Variants in DSTN observed in about 807,000 individuals in gnomAD.
DSTN encodes the protein destrin, actin depolymerizing factor, also known as destrin.
Under a neutral mutation model 16.8 loss-of-function variants are expected in DSTN, and 10 were observed. The observed-to-expected ratio is 0.60, with a 90% confidence interval of 0.37 to 1.01. The LOEUF (loss-of-function observed/expected upper bound fraction) is 1.01. DSTN is among the 50% of genes least tolerant of loss of function. The pLI, the probability that DSTN is intolerant of heterozygous loss-of-function variation, is 0.01. For synonymous variants in DSTN, 57 were observed against 58.9 expected (o/e 0.97, Z 0.14); for missense variants, 141 against 196.7 (o/e 0.72, Z 1.69).
At chr20:17,572,628 C>T (rs868182140) in intron 1 of DSTN, among the ~76,000 whole-genome samples, 1 of 152,186 alleles carries the variant, frequency 6.6e-6, no homozygotes, top group South Asian at 2.1e-4. Context: ...GCGCAGTATT[C>T]AAGTATTCTA....
chr20:17,588,652 C>CG (rs2035436952), intron 1 of DSTN, among the ~76,000 whole-genome samples: 1 of 152,030 alleles, frequency 6.6e-6, no homozygotes, highest in African/African-American at 2.4e-5. Context: ...GGTATGGTGG[C>CG]GGGCGCCTGT....
chr20:17,594,006 A>C (rs573957109), intron 1 of DSTN, among the ~76,000 whole-genome samples: 86 of 152,246 alleles, frequency 5.6e-4, no homozygotes, highest in Non-Finnish European at 9.8e-4. Context: ...ACTTGAGCCC[A>C]GGAGTGCGAG....
rs1372361733 is a variant in DSTN at position 17,609,870 on chromosome 20, ACT to A, written c.*2729_*2730del. 1 of 152,186 alleles carries A rather than the reference ACT, an allele frequency of 6.6e-6. No homozygotes were observed. The highest frequency in any genetic ancestry group is 1.5e-5 in the Non-Finnish European group (1 of 68,046). 9.4% of individuals were successfully genotyped at this position (152,186 alleles called of 1,614,324 possible). A position where few individuals can be genotyped will look rare whatever the true frequency, so the allele number is the denominator to read the frequency against. On this transcript the variant is annotated 3_prime_UTR_variant, in exon 4 of 4. Transcript: ENST00000246069. ...GCTGACTTAGTCTCATCTAGCGGTT[ACT>A]CTCTTGCCCTGACAAAGCAGCAAAT...
chr20:17,577,184 T>A (rs2035288257), intron 1 of DSTN, among the ~76,000 whole-genome samples: 1 of 152,224 alleles, frequency 6.6e-6, no homozygotes, highest in Non-Finnish European at 1.5e-5. Flanking sequence ...TATTCCAAAA[T>A]TTGAAAATAT....
intron 1 of DSTN, among the ~76,000 whole-genome samples, chr20:17,580,675 G>A (rs764585705): frequency 6.6e-6 from 1 of 152,002 alleles, no homozygotes; most frequent in African/African-American, 2.4e-5. Context: ...TTGAACCCGG[G>A]AGGCGGAGGT....
chr20:17,577,982 A>G (rs2035298615), intron 1 of DSTN, among the ~76,000 whole-genome samples: 1 of 152,262 alleles, frequency 6.6e-6, no homozygotes, highest in Admixed American at 6.5e-5. Context: ...CCTCAGTCAC[A>G]CTAGCCACAT....
intron 1 of DSTN, among the ~76,000 whole-genome samples, chr20:17,587,579 A>G (rs2035425122): frequency 6.6e-6 from 1 of 152,156 alleles, no homozygotes; most frequent in African/African-American, 2.4e-5. Flanking sequence ...GAAATAGTTA[A>G]CCATAGTTAA....
At chr20:17,597,066 A>G (rs555064230) in intron 1 of DSTN, among the ~76,000 whole-genome samples, 114 of 152,296 alleles carry the variant, frequency 7.5e-4, no homozygotes, top group Non-Finnish European at 1.2e-3. Context: ...ATCTGTTTCT[A>G]GTTCTTCAAT....
rs1039777464 is a variant in DSTN, at chr20:17,607,869, G to A, written c.*723G>A. On this transcript the variant is annotated 3_prime_UTR_variant, in exon 4 of 4. Transcript: ENST00000246069. ...ACAACTAATTATAATGCAAATTAGG[G>A]CTACATTGTAATCTGCTTTGTTAAT... 5.3e-5 allele frequency: 8 copies of A among 152,320 alleles called. No homozygotes were observed. The highest frequency in any genetic ancestry group is 1.9e-4 in the African/African-American group (8 of 41,564). 9.4% of individuals were successfully genotyped at this position (152,320 alleles called of 1,614,324 possible). A position where few individuals can be genotyped will look rare whatever the true frequency, so the allele number is the denominator to read the frequency against.
In DSTN at chr20:17,607,053, T is replaced by C. The variant is rs1199446204; in HGVS notation, c.405T>C (p.Cys135=). ...KKKFQGIKHE[C]QANGPEDLNR... ...TCTCTCTAGGCATAAAACATGAATG[T>C]CAAGCAAATGGACCAGAAGATCTCA... The change falls in exon 4 of 4, where the codon TGT becomes TGC. Residue 135 remains cysteine (C), a synonymous_variant. Coordinates refer to ENST00000246069, the MANE Select transcript of DSTN (RefSeq NM_006870.4). The C allele has an allele frequency of 1.7e-5, 28 of 1,613,858 alleles. No individual in the cohort carries two copies. The highest frequency in any genetic ancestry group is 2.3e-5 in the Non-Finnish European group (27 of 1,180,002).
Position 17,570,078 on chromosome 20 carries a change from C to T in DSTN, c.-131C>T, listed in dbSNP as rs774260347. ...CGTTCCGTCCTGAGGCGCGCCCGCC[C>T]CGGGGTAAGCTCGCGCCGCCGCGTC... is the stretch of plus-strand genomic sequence containing the variant. On this transcript the variant is annotated 5_prime_UTR_variant, in exon 1 of 4. Coordinates refer to ENST00000246069, the MANE Select transcript of DSTN (RefSeq NM_006870.4). 110 of 1,392,064 alleles carry T rather than the reference C, an allele frequency of 7.9e-5. No homozygotes were observed. Among genetic ancestry groups the T allele is most frequent in the Non-Finnish European group, 1.0e-4 (105 of 1,054,490 alleles). The allele number at this position is 1,392,064 out of a possible 1,614,324, so 86.2% of individuals were successfully genotyped here.
intron 1 of DSTN, among the ~76,000 whole-genome samples, chr20:17,573,010 A>G (rs930081559): frequency 6.6e-5 from 10 of 152,160 alleles, no homozygotes; most frequent in African/African-American, 2.2e-4. Context: ...TATTCAGGCT[A>G]TTGCAATTAG....
At chr20:17,604,667 T>C (rs766494053) in intron 3 of DSTN, 36 bp downstream of exon 3, 3 of 1,574,918 alleles carry the variant, frequency 1.9e-6, no homozygotes, top group South Asian at 2.3e-5. Flanking sequence ...TGTAGAGGTA[T>C]GGTGAACACT....
intron 2 of DSTN, 48 bp downstream of exon 2, chr20:17,601,093 C>T: frequency 1.3e-6 from 2 of 1,525,390 alleles, no homozygotes; most frequent in Non-Finnish European, 1.8e-6. Context: ...ATTTTGTTAG[C>T]ACTCGGGAAG....
At chr20:17,575,638 G>A (rs943341356) in intron 1 of DSTN, among the ~76,000 whole-genome samples, 1 of 151,914 alleles carries the variant, frequency 6.6e-6, no homozygotes, top group African/African-American at 2.4e-5. Flanking sequence ...GCTAAGCTTT[G>A]TATTTTAAAA....
chr20:17,605,831 G>A (rs1323245507), intron 3 of DSTN, among the ~76,000 whole-genome samples: 2 of 152,150 alleles, frequency 1.3e-5, no homozygotes, highest in Admixed American at 6.5e-5. Context: ...GGCTGGGTGT[G>A]GTGGCTCATG....
chr20:17,591,506 T>A (rs2035468960), intron 1 of DSTN, among the ~76,000 whole-genome samples: 1 of 152,232 alleles, frequency 6.6e-6, no homozygotes, highest in Non-Finnish European at 1.5e-5. Flanking sequence ...TACTGCTTCA[T>A]TATAAAAATT....
chr20:17,581,691 A>G lies in DSTN; in HGVS notation c.3+11480A>G, dbSNP rs16999435. 1.3e-3 allele frequency among the ~76,000 whole-genome samples: 196 copies of G among 152,344 alleles called. 2 individuals carry two copies. In the East Asian group the frequency reaches 0.034, roughly 27 times the overall value. ...GGCTCGTAAGGCTTAGACCTGATCT[A>G]CCAGATATTTGATGGTGTCACTATG... On this transcript the variant is annotated intron_variant, in intron 1 of 3. Transcript: ENST00000246069.
chr20:17,608,199 TAGC>T lies in DSTN; in HGVS notation c.*1056_*1058del, dbSNP rs1170237235. On this transcript the variant is annotated 3_prime_UTR_variant, in exon 4 of 4. Transcript: ENST00000246069. ...ATGCACAAACAGTTGAACTTAGAAG[TAGC>T]AGTATTGGCTTTATGTAATAAAGGA... is the stretch of plus-strand genomic sequence containing the variant. 1.3e-5 allele frequency: 2 copies of T among 152,192 alleles called. No individual in the cohort carries two copies. The highest frequency in any genetic ancestry group is 2.9e-5 in the Non-Finnish European group (2 of 68,032). 9.4% of individuals were successfully genotyped at this position (152,192 alleles called of 1,614,324 possible).
Sources: allele counts gnomAD v4.1 joint callset (sites outside exome capture counted in the v4.1 genomes callset), GRCh38; gene constraint gnomAD v4.1.1; transcripts MANE v1.5; gene names NCBI Gene and HGNC (gene_info 2026-07-23, HGNC 2026-07-21).